The following APOL2 variants were observed in gnomAD, a reference collection of about 807,000 sequenced individuals.
APOL2 encodes the protein apolipoprotein L, 2.
APOL2 carries 8 observed loss-of-function variants against 7.1 expected under a neutral mutation model. The observed-to-expected ratio is 1.12, with a 90% CI of 0.66 to 2.03. APOL2 has a LOEUF of 2.03. APOL2 is among the 30% of genes most tolerant of loss of function. The probability of loss-of-function intolerance (pLI) is 0.00; values close to 1 mark genes in which losing one functional copy is unlikely to be tolerated. For missense variants in APOL2, 471 were observed against 415.1 expected (o/e 1.13, Z -1.17); for synonymous variants, 177 against 159.9 (o/e 1.11, Z -0.81).
Position 36,234,307 on chromosome 22 carries a change from T to G in APOL2, c.-133-852A>C, listed in dbSNP as rs553406365. ...ACAGGATATGAAGATGTCCATTCTT[T>G]CAGTCTTACTGGCTCTCAGTAGTCT... On this transcript the variant is annotated intron_variant, in intron 1 of 4. Transcript: ENST00000358502. 6 of 152,362 alleles carry G rather than the reference T, an allele frequency of 3.9e-5. No homozygotes were observed. In the South Asian group the frequency reaches 1.2e-3, roughly 32 times the overall value. 9.4% of individuals were successfully genotyped at this position (152,362 alleles called of 1,614,324 possible). A position where few individuals can be genotyped will look rare whatever the true frequency, so the allele number is the denominator to read the frequency against.
intron 4 of APOL2, among the ~76,000 whole-genome samples, chr22:36,230,273 A>G (rs1052447505): frequency 1.3e-5 from 2 of 152,104 alleles, no homozygotes; most frequent in Non-Finnish European, 2.9e-5. Flanking sequence ...TGCCATGGTA[A>G]GGAGCTTCTC....
At chr22:36,231,597 A>C (rs2015228064) in intron 3 of APOL2, 131 bp from the exon 4 acceptor site, 2 of 1,112,488 alleles carry the variant, frequency 1.8e-6, no homozygotes, top group African/African-American at 1.6e-5. Context: ...TGGAGTCATC[A>C]GTGCTATAGA....
chr22:36,239,798 A>T, upstream of APOL2: 1 of 434,796 alleles, frequency 2.3e-6, no homozygotes, highest in Non-Finnish European at 4.2e-6. Flanking sequence ...AGTCAGAACC[A>T]GAGTTGAGCC....
At chr22:36,230,920 G>T (rs1469970246) in intron 4 of APOL2, among the ~76,000 whole-genome samples, 3 of 152,200 alleles carry the variant, frequency 2.0e-5, no homozygotes, top group Admixed American at 6.5e-5. Flanking sequence ...TCTTCAAGAA[G>T]AAGATCCTTA....
chr22:36,239,200 T>C, intron 1 of APOL2: 1 of 1,292,150 alleles, frequency 7.7e-7, no homozygotes, highest in South Asian at 2.4e-5. Context: ...CCGGGGAGCT[T>C]TGTGAACCCA....
chr22:36,230,508 G>C (rs6000207), intron 4 of APOL2, among the ~76,000 whole-genome samples: 8,345 of 151,924 alleles, frequency 0.055, 558 homozygotes, highest in African/African-American at 0.16. Flanking sequence ...TCCCAGCCCT[G>C]GTGCCCCAGC....
intron 1 of APOL2, chr22:36,237,154 G>T: frequency 6.6e-7 from 1 of 1,519,954 alleles, no homozygotes; most frequent in Non-Finnish European, 8.8e-7. Context: ...CTCTGCTGGG[G>T]GTTGAGGCTG....
intron 3 of APOL2, 136 bp from the exon 4 acceptor site, chr22:36,231,602 T>A (rs1299020981): frequency 9.2e-7 from 1 of 1,089,858 alleles, no homozygotes; most frequent in Middle Eastern, 2.1e-4. Context: ...TCATCAGTGC[T>A]ATAGAGGGAT....
Position 36,228,082 on chromosome 22 carries a change from G to A in APOL2, c.336C>T (p.Gly112=). 1 of 1,614,252 alleles carries A rather than the reference G, an allele frequency of 6.2e-7. No homozygotes were observed. The highest frequency in any genetic ancestry group is 1.1e-5 in the South Asian group (1 of 91,090). Residue 112 remains glycine (G), a synonymous_variant, in exon 5 of 5, where the codon GGC becomes GGT. Transcript: ENST00000358502. ...LAEEVEQVHR[G]TTIANVVSNS... ...TGGACACCACATTGGCAATGGTGGTGCCTCTGTGGACCTGCTCAACCTCCT... is the reference window on the plus strand; with the variant it reads ...TGGACACCACATTGGCAATGGTGGTACCTCTGTGGACCTGCTCAACCTCCT...
upstream of APOL2, chr22:36,239,571 G>A (rs577940812): frequency 7.8e-4 from 1,172 of 1,495,126 alleles, 1 homozygote; most frequent in Non-Finnish European, 1.0e-3. Flanking sequence ...CCTGGAATTC[G>A]AAAGGGAAAG....
chr22:36,238,524 C>G (rs1213447377), intron 1 of APOL2, among the ~76,000 whole-genome samples: 1 of 152,118 alleles, frequency 6.6e-6, no homozygotes, highest in East Asian at 1.9e-4. Flanking sequence ...GCCCTTGTGA[C>G]TCTGATATTG....
At chr22:36,239,921 A>G (rs136145), upstream of APOL2, 84,805 of 192,374 alleles carry the variant, frequency 0.44, 20,704 homozygotes, top group African/African-American at 0.64. Flanking sequence ...GCCTCAGTGC[A>G]ATTCCAGGCT....
At chr22:36,239,843 C>A, upstream of APOL2, 1 of 312,826 alleles carries the variant, frequency 3.2e-6, no homozygotes, top group South Asian at 4.3e-5. Flanking sequence ...AGCCGCTTGC[C>A]CCCCAACCCC....
intron 1 of APOL2, among the ~76,000 whole-genome samples, chr22:36,235,715 T>C (rs75287556): frequency 0.024 from 3,594 of 149,102 alleles, 135 homozygotes; most frequent in African/African-American, 0.084. Context: ...AGAAAGCTAC[T>C]TGAGAATGAG....
At position 36,226,270 on chromosome 22, in the gene APOL2, A is replaced by T. The variant is rs2014981014; in HGVS notation, c.*1134T>A. ...GGTCAATCCTGGGCAGCGACAGGAC[A>T]GCTCTAGAGATCTGTGCTTCCTCCC... On this transcript the variant is annotated 3_prime_UTR_variant, in exon 5 of 5. Coordinates refer to ENST00000358502, the MANE Select transcript of APOL2 (RefSeq NM_030882.4). 2 of 152,288 alleles carry T rather than the reference A, an allele frequency of 1.3e-5. No homozygotes were observed. Among genetic ancestry groups the T allele is most frequent in the African/African-American group, 4.8e-5 (2 of 41,460 alleles). 9.4% of individuals were successfully genotyped at this position (152,288 alleles called of 1,614,324 possible). A position where few individuals can be genotyped will look rare whatever the true frequency, so the allele number is the denominator to read the frequency against.
In APOL2 at chr22:36,238,718, C is replaced by T. The variant is rs570778265; in HGVS notation, c.-134+723G>A. 2.2e-4 allele frequency among the ~76,000 whole-genome samples: 33 copies of T among 152,348 alleles called. No homozygotes were observed. The South Asian group carries it at 6.8e-3, about 32-fold the overall frequency. ...ACCATTCTGCAATGCGACCTTCTCA[C>T]TCCCCTGTCTCAGCCATGTTTCCCA... On this transcript the variant is annotated intron_variant, in intron 1 of 4. Transcript: ENST00000358502.
At chr22:36,235,551 A>G (rs1287867371) in intron 1 of APOL2, among the ~76,000 whole-genome samples, 5 of 152,178 alleles carry the variant, frequency 3.3e-5, no homozygotes, top group Non-Finnish European at 5.9e-5. Flanking sequence ...TTTTCTAGAA[A>G]CTAAAAGGTG....
At chr22:36,235,356 T>C (rs964749354) in intron 1 of APOL2, among the ~76,000 whole-genome samples, 1 of 151,942 alleles carries the variant, frequency 6.6e-6, no homozygotes, top group African/African-American at 2.4e-5. Context: ...GATCAGAAAT[T>C]GGAGAAAGGT....
intron 4 of APOL2, among the ~76,000 whole-genome samples, chr22:36,229,251 C>A (rs994141480): frequency 3.9e-5 from 6 of 152,310 alleles, no homozygotes; most frequent in South Asian, 2.1e-4. Context: ...AGGAACCCCC[C>A]ACTCTGGCGT....
Sources: gnomAD v4.1 joint callset for allele counts (sites outside exome capture counted in the v4.1 genomes callset) on GRCh38, gnomAD v4.1.1 for gene constraint, MANE v1.5 for transcripts, NCBI Gene and HGNC (gene_info 2026-07-23, HGNC 2026-07-21) for gene names.